Variants in UBE2L3 observed in about 807,000 individuals in gnomAD.
The protein encoded by UBE2L3 is ubiquitin conjugating enzyme E2 L3, also known as ubiquitin-conjugating enzyme E2 L3.
In UBE2L3, 1 loss-of-function variant was observed where a neutral mutation model predicts 17.8. The observed-to-expected ratio is 0.06, with a 90% CI of 0.02 to 0.27. The LOEUF (loss-of-function observed/expected upper bound fraction) is 0.27. Ranked by LOEUF, UBE2L3 falls within the 10% of genes least tolerant of loss-of-function variation. UBE2L3 has a pLI of 1.00. For missense variants in UBE2L3, 40 were observed against 192.6 expected, an observed-to-expected ratio of 0.21 and a Z score of 4.69; for synonymous variants, 44 against 68.5, an observed-to-expected ratio of 0.64 and a Z score of 1.76.
chr22:21,611,438 T>G (rs1182086527), intron 3 of UBE2L3, among the ~76,000 whole-genome samples: 1 of 152,056 alleles, frequency 6.6e-6, no homozygotes, highest in Non-Finnish European at 1.5e-5. Flanking sequence ...AACTCAGACT[T>G]GAAGGAGGAA....
At chr22:21,592,723 A>G in intron 1 of UBE2L3, 138 bp from the exon 2 acceptor site, 2 of 703,782 alleles carry the variant, frequency 2.8e-6, no homozygotes, top group South Asian at 1.7e-5. Context: ...TAACCACTCC[A>G]AGCACAGTTT....
intron 1 of UBE2L3, among the ~76,000 whole-genome samples, chr22:21,591,561 CG>C (rs750525709): frequency 6.6e-6 from 1 of 152,222 alleles, no homozygotes; most frequent in Non-Finnish European, 1.5e-5. Flanking sequence ...ACCTGGGCTC[CG>C]GTTCCCCCTT....
chr22:21,606,315 A>G (rs199882066), intron 2 of UBE2L3, among the ~76,000 whole-genome samples: 91 of 150,448 alleles, frequency 6.0e-4, no homozygotes, highest in Non-Finnish European at 9.5e-4. Context: ...TGTGTGTGGT[A>G]TGTGTGTGTG....
intron 1 of UBE2L3, 69 bp downstream of exon 1, chr22:21,567,840 C>A: frequency 1.3e-6 from 2 of 1,553,982 alleles, no homozygotes; most frequent in Non-Finnish European, 1.7e-6. Flanking sequence ...CCGAGGCAGG[C>A]GGCGGCTTCT....
intron 2 of UBE2L3, among the ~76,000 whole-genome samples, 197 bp from the exon 3 acceptor site, chr22:21,610,660 C>T (rs1041487257): frequency 6.6e-6 from 1 of 152,120 alleles, no homozygotes; most frequent in Admixed American, 6.5e-5. Flanking sequence ...AATCTCAAGC[C>T]CCTTCTCAGT....
At chr22:21,567,607 T>A, upstream of UBE2L3, 1 of 1,515,350 alleles carries the variant, frequency 6.6e-7, no homozygotes, top group Non-Finnish European at 8.8e-7. Flanking sequence ...CCCAGCACAG[T>A]GGGAAGCACA....
chr22:21,610,985 G>A lies in UBE2L3; in HGVS notation c.252G>A (p.Gln84=), dbSNP rs774552739. Residue 84 remains glutamine, a synonymous_variant, in exon 3 of 4, where the codon CAG becomes CAA. Coordinates refer to ENST00000342192, the MANE Select transcript of UBE2L3 (RefSeq NM_003347.4). The part of the protein sequence containing the change: ...IYHPNIDEKG[Q]VCLPVISAEN... Reference sequence around the variant, plus strand: ...ACCCAAACATCGACGAAAAGGGGCAGGTCTGTCTGCCAGTAATTAGTGCCG... The same window carrying A: ...ACCCAAACATCGACGAAAAGGGGCAAGTCTGTCTGCCAGTAATTAGTGCCG... 1.1e-5 allele frequency: 18 copies of A among 1,612,746 alleles called. No homozygotes were observed. The highest frequency in any genetic ancestry group is 1.5e-5 in the Non-Finnish European group (18 of 1,179,668).
At chr22:21,568,112 T>C in intron 1 of UBE2L3, 1 of 1,082,268 alleles carries the variant, frequency 9.2e-7, no homozygotes, top group Non-Finnish European at 1.1e-6. Flanking sequence ...GTTGGGAGGC[T>C]CCAAACCGGG....
At chr22:21,569,361 A>C (rs1306513699) in intron 1 of UBE2L3, among the ~76,000 whole-genome samples, 1 of 136,926 alleles carries the variant, frequency 7.3e-6, no homozygotes, top group Non-Finnish European at 1.5e-5. Context: ...GCACCACTGC[A>C]CTCCAGCCAG....
intron 2 of UBE2L3, among the ~76,000 whole-genome samples, chr22:21,602,823 C>T (rs565114224): frequency 2.0e-5 from 3 of 152,308 alleles, no homozygotes; most frequent in African/African-American, 7.2e-5. Context: ...CCCTCGTCCC[C>T]GCATCCCACA....
intron 2 of UBE2L3, among the ~76,000 whole-genome samples, chr22:21,603,945 A>T (rs1353374258): frequency 2.4e-5 from 3 of 126,114 alleles, no homozygotes; most frequent in African/African-American, 9.4e-5. Context: ...ACAGGGTCTC[A>T]CTCTTGCCGA....
chr22:21,556,880 C>T (rs111463770), intron 1 of UBE2L3, among the ~76,000 whole-genome samples: 9,735 of 151,154 alleles, frequency 0.064, 554 homozygotes, highest in African/African-American at 0.23. Flanking sequence ...ATGGTGAAAC[C>T]CTGTCTCTAC....
upstream of UBE2L3, among the ~76,000 whole-genome samples, chr22:21,565,596 T>C (rs1196259422): frequency 2.0e-5 from 3 of 150,372 alleles, no homozygotes. Context: ...CTACTAAAAA[T>C]ACAAAAATTA....
chr22:21,569,049 A>C (rs1926809482), intron 1 of UBE2L3, among the ~76,000 whole-genome samples: 1 of 151,790 alleles, frequency 6.6e-6, no homozygotes, highest in African/African-American at 2.4e-5. Context: ...TTCCTACCCT[A>C]CTCCCAGGTG....
chr22:21,611,149 T>C, intron 3 of UBE2L3, 106 bp downstream of exon 3: 1 of 1,324,542 alleles, frequency 7.5e-7, no homozygotes. Context: ...ATCTTTCAGG[T>C]ACACGAAAAA....
At chr22:21,556,336 A>C (rs1220520481) in intron 1 of UBE2L3, among the ~76,000 whole-genome samples, 1 of 152,242 alleles carries the variant, frequency 6.6e-6, no homozygotes, top group African/African-American at 2.4e-5. Flanking sequence ...TCAAAGCTGC[A>C]GTGAGCAATG....
chr22:21,580,837 A>G (rs1480554296), intron 1 of UBE2L3, among the ~76,000 whole-genome samples: 1 of 150,994 alleles, frequency 6.6e-6, no homozygotes, highest in Non-Finnish European at 1.5e-5. Flanking sequence ...TGCCGGCCTC[A>G]GCCTCCCAAA....
intron 1 of UBE2L3, among the ~76,000 whole-genome samples, chr22:21,590,186 A>C (rs558877410): frequency 2.0e-5 from 3 of 151,640 alleles, no homozygotes; most frequent in African/African-American, 7.3e-5. Flanking sequence ...TATCATCCCT[A>C]CTTTATTTTT....
chr22:21,588,637 G>A (rs1928082027), intron 1 of UBE2L3, among the ~76,000 whole-genome samples: 1 of 151,440 alleles, frequency 6.6e-6, no homozygotes, highest in Admixed American at 6.6e-5. Context: ...GTACCACCAT[G>A]CCTGGCTACT....
Sources: gnomAD v4.1 joint callset for allele counts (sites outside exome capture counted in the v4.1 genomes callset) on GRCh38, gnomAD v4.1.1 for gene constraint, MANE v1.5 for transcripts, NCBI Gene and HGNC (gene_info 2026-07-23, HGNC 2026-07-21) for gene names.